Variants in UBASH3A observed in about 807,000 individuals in gnomAD.
UBASH3A encodes the protein ubiquitin-associated and SH3 domain-containing protein A.
Under a neutral mutation model 73.5 loss-of-function variants are expected in UBASH3A, and 63 were observed. The observed-to-expected ratio is 0.86, with a 90% CI of 0.70 to 1.06. The LOEUF (loss-of-function observed/expected upper bound fraction) is 1.06, where lower values mean the gene tolerates loss of function less well. UBASH3A is among the 50% of genes least tolerant of loss of function. The pLI is 0.00. For missense variants in UBASH3A, 860 were observed against 859.0 expected (o/e 1.00, Z -0.02); for synonymous variants, 363 against 351.1 (o/e 1.03, Z -0.38).
intron 2 of UBASH3A, among the ~76,000 whole-genome samples, chr21:42,408,260 G>A (rs1003082409): frequency 3.9e-5 from 6 of 152,194 alleles, no homozygotes; most frequent in African/African-American, 1.4e-4. Flanking sequence ...TATATCACAG[G>A]CACTTTGCTG....
chr21:42,443,457 G>A lies in UBASH3A; in HGVS notation c.1738+39G>A, dbSNP rs774729599. On this transcript the variant is annotated intron_variant, in intron 13 of 14. Transcript: ENST00000319294. Reference sequence around the variant, plus strand: ...CATCCTCAGTATGAACAGCCCCTGGGGCTTGGGGAATTATCTCTGAGATGG... The same window carrying A: ...CATCCTCAGTATGAACAGCCCCTGGAGCTTGGGGAATTATCTCTGAGATGG... 7.8e-5 allele frequency: 118 copies of A among 1,516,674 alleles called. 2 individuals carry two copies. The South Asian group carries it at 1.4e-3, about 18-fold the overall frequency. The allele number at this position is 1,516,674 out of a possible 1,614,324, so 94.0% of individuals were successfully genotyped here. A position where few individuals can be genotyped will look rare whatever the true frequency, so the allele number is the denominator to read the frequency against.
chr21:42,435,174 A>G, intron 10 of UBASH3A: 1 of 406,672 alleles, frequency 2.5e-6, no homozygotes, highest in Non-Finnish European at 4.3e-6. Context: ...GGAATGGATG[A>G]TTCAGGAAGT....
At chr21:42,437,755 G>T (rs1048608783) in intron 11 of UBASH3A, among the ~76,000 whole-genome samples, 175 bp downstream of exon 11, 1 of 152,216 alleles carries the variant, frequency 6.6e-6, no homozygotes, top group Non-Finnish European at 1.5e-5. Flanking sequence ...TGCTGGGTCC[G>T]TGAGCGTGTC....
rs1203939827 is a variant in UBASH3A, at chr21:42,426,346, G to T, written c.1047-351G>T. ...CAACAGCCCCATCATCTGAAGGGTG[G>T]TCTCTGCTTTACTCAGCCTAGTGAC... On this transcript the variant is annotated intron_variant, in intron 7 of 14. Transcript: ENST00000319294. 4.6e-5 allele frequency among the ~76,000 whole-genome samples: 7 copies of T among 152,188 alleles called. No homozygotes were observed. In the East Asian group the frequency reaches 1.2e-3, roughly 25 times the overall value.
chr21:42,436,461 C>T (rs2053629276), intron 10 of UBASH3A, among the ~76,000 whole-genome samples: 1 of 152,164 alleles, frequency 6.6e-6, no homozygotes, highest in Non-Finnish European at 1.5e-5. Flanking sequence ...TCTTCCTCTT[C>T]TCTTCTCTGC....
intron 3 of UBASH3A, among the ~76,000 whole-genome samples, chr21:42,411,372 TTAGA>T (rs1026226309): frequency 1.7e-4 from 25 of 150,390 alleles, no homozygotes; most frequent in African/African-American, 4.4e-4. Flanking sequence ...GAGACACACA[TTAGA>T]TAGACACACA....
chr21:42,409,455 C>T lies in UBASH3A; in HGVS notation c.201C>T (p.Asp67=), dbSNP rs369974693. 2.1e-4 allele frequency: 344 copies of T among 1,609,032 alleles called. 1 individual carries two copies. The highest frequency in any genetic ancestry group is 2.9e-4 in the Non-Finnish European group (339 of 1,178,240). ...LHDHCNDPSL[D]DPIPQEYALF... is the part of the protein sequence containing the mutation. Reference sequence around the variant, plus strand: ...ATCATTGCAATGACCCTTCCCTAGACGACCCCATCCCCCAGGAGTATGCCC... The same window carrying T: ...ATCATTGCAATGACCCTTCCCTAGATGACCCCATCCCCCAGGAGTATGCCC... Residue 67 remains aspartate (D), a synonymous_variant, in exon 3 of 15, where the codon GAC becomes GAT. Transcript: ENST00000319294.
intron 1 of UBASH3A, among the ~76,000 whole-genome samples, chr21:42,405,396 T>G (rs2052949169): frequency 6.6e-6 from 1 of 152,142 alleles, no homozygotes; most frequent in Admixed American, 6.5e-5. Context: ...CCACGCTGGA[T>G]TTTACTACTA....
intron 6 of UBASH3A, among the ~76,000 whole-genome samples, chr21:42,417,085 G>A (rs117755751): frequency 0.025 from 3,787 of 152,232 alleles, 81 homozygotes; most frequent in Middle Eastern, 0.051. Flanking sequence ...TCTTTTATAT[G>A]TGAGTTAGAG....
rs767087340 is a variant in UBASH3A, at chr21:42,434,880, G to A, written c.1319G>A (p.Arg440Gln). The change falls in exon 10 of 15, where the codon CGG becomes CAG. Residue 440 changes from arginine (R) to glutamine (Q), a missense_variant. By Grantham distance (43) the Arg-to-Gln change is conservative (BLOSUM62 1). Coordinates refer to ENST00000319294, the MANE Select transcript of UBASH3A (RefSeq NM_018961.4). The part of the protein sequence containing the change: ...DLNFPCSLPR[R>Q]SRGIKDFEND... ...AATTTCCCCTGCAGTCTGCCAAGAC[G>A]GAGTCGTGGGATCAAAGACTTTGAA... The A allele has an allele frequency of 5.6e-6, 9 of 1,614,146 alleles. No individual in the cohort carries two copies. Among genetic ancestry groups the A allele is most frequent in the East Asian group, 2.2e-5 (1 of 44,892 alleles).
rs371391343 is a variant in UBASH3A, at chr21:42,418,472, C to A, written c.909C>A (p.Ile303=). The A allele has an allele frequency of 6.2e-7, 1 of 1,614,262 alleles. No homozygotes were observed. Among genetic ancestry groups the A allele is most frequent in the South Asian group, 1.1e-5 (1 of 91,088 alleles). Residue 303 remains isoleucine (I), a synonymous_variant, in exon 7 of 15, where the codon ATC becomes ATA. Transcript: ENST00000319294. ...TGACGCTAAGTCCTGGTGACTACAT[C>A]TTTGTGGACCCCACGCAGCAGGACG... is the stretch of plus-strand genomic sequence containing the variant. ...DELTLSPGDY[I]FVDPTQQDEA...
chr21:42,446,048 G>A (rs535659136), intron 14 of UBASH3A, among the ~76,000 whole-genome samples: 14 of 152,022 alleles, frequency 9.2e-5, no homozygotes, highest in East Asian at 1.9e-4. Context: ...AGCCCCAGGC[G>A]CTCCTGGGGG....
chr21:42,422,075 C>T (rs1359668393), intron 7 of UBASH3A, among the ~76,000 whole-genome samples: 1 of 152,032 alleles, frequency 6.6e-6, no homozygotes, highest in African/African-American at 2.4e-5. Flanking sequence ...TACCTATGTC[C>T]CTGGGCTCCC....
chr21:42,422,926 G>A (rs1185387778), intron 7 of UBASH3A, among the ~76,000 whole-genome samples: 1 of 152,146 alleles, frequency 6.6e-6, no homozygotes, highest in Non-Finnish European at 1.5e-5. Context: ...GGGAGTGGGA[G>A]CCAGGAGAAT....
At chr21:42,406,456 C>T (rs2052978464) in intron 2 of UBASH3A, 95 bp downstream of exon 2, 4 of 1,113,470 alleles carry the variant, frequency 3.6e-6, no homozygotes, top group Admixed American at 1.8e-5. Flanking sequence ...CAGGAAGAGC[C>T]GGGCGCCTCT....
Position 42,413,065 on chromosome 21 carries a change from G to A in UBASH3A, c.396G>A (p.Lys132=), listed in dbSNP as rs2053133028. Residue 132 remains lysine (K), a synonymous_variant, in exon 4 of 15, where the codon AAG becomes AAA. Transcript: ENST00000319294. The surrounding 1 kb of genome is among the most constrained non-coding windows in gnomAD (Gnocchi z 4.5). The stretch of plus-strand genomic sequence containing the variant: ...TGGAATGCCTGTACGAGGCGCTGAA[G>A]AGAGCTGGAGACAGGCTCCTGGGCT... ...QKVECLYEAL[K]RAGDRLLGSF... 2 of 1,614,122 alleles carry A rather than the reference G, an allele frequency of 1.2e-6. No homozygotes were observed. Among genetic ancestry groups the A allele is most frequent in the African/African-American group, 1.3e-5 (1 of 74,932 alleles).
chr21:42,445,262 A>G (rs1241857104), intron 14 of UBASH3A, among the ~76,000 whole-genome samples: 3 of 152,232 alleles, frequency 2.0e-5, no homozygotes, highest in African/African-American at 7.2e-5. Flanking sequence ...ATCCCACCCC[A>G]GTCCCAGCCC....
intron 1 of UBASH3A, among the ~76,000 whole-genome samples, chr21:42,405,760 C>T (rs948930212): frequency 6.6e-6 from 1 of 152,118 alleles, no homozygotes; most frequent in Admixed American, 6.5e-5. Flanking sequence ...AGACTCAGTC[C>T]TGTGTTCAGG....
intron 8 of UBASH3A, among the ~76,000 whole-genome samples, chr21:42,429,570 A>G (rs879356691): frequency 2.6e-5 from 4 of 152,218 alleles, no homozygotes; most frequent in Non-Finnish European, 5.9e-5. Context: ...TGAGTTTCCA[A>G]GAGCATGCAT....
Sources: allele counts gnomAD v4.1 joint callset (sites outside exome capture counted in the v4.1 genomes callset), GRCh38; gene constraint gnomAD v4.1.1; non-coding constraint Gnocchi (gnomAD v3.1); transcripts MANE v1.5; gene names NCBI Gene and HGNC (gene_info 2026-07-23, HGNC 2026-07-21).